MIGA2: variants seen among roughly 807,000 people sequenced by gnomAD.
The protein encoded by MIGA2 is mitoguardin 2, also known as family with sequence similarity 73, member B.
MIGA2 carries 36 observed loss-of-function variants against 69.9 expected under a neutral mutation model. The ratio of observed to expected loss-of-function variants is 0.52; its 90% CI spans 0.39 to 0.68. The LOEUF (loss-of-function observed/expected upper bound fraction) is 0.68. Ranked by LOEUF, MIGA2 falls within the 30% of genes least tolerant of loss-of-function variation. The pLI, the probability that MIGA2 is intolerant of heterozygous loss-of-function variation, is 0.00. For synonymous variants in MIGA2, 333 were observed against 349.2 expected (o/e 0.95, Z 0.52); for missense variants, 660 against 787.7 (o/e 0.84, Z 1.94).
At chr9:129,048,207 G>GTGGCAGGGATA (rs1296613392) in intron 3 of MIGA2, among the ~76,000 whole-genome samples, 1 of 152,212 alleles carries the variant, frequency 6.6e-6, no homozygotes, top group Non-Finnish European at 1.5e-5. Context: ...CCTGTGCCCT[G>GTGGCAGGGATA]TGGCAGGGAT....
At chr9:129,053,856 A>G (rs1450858928) in intron 6 of MIGA2, among the ~76,000 whole-genome samples, 1 of 146,576 alleles carries the variant, frequency 6.8e-6, no homozygotes, top group East Asian at 2.1e-4. Flanking sequence ...ACGGGGTCTT[A>G]CTCTGCTGCC....
In MIGA2 at chr9:129,068,856, A is replaced by G; in HGVS notation, c.1405-220A>G. 2 of 608,630 alleles carry G rather than the reference A, an allele frequency of 3.3e-6. No homozygotes were observed. Among genetic ancestry groups the G allele is most frequent in the Non-Finnish European group, 5.9e-6 (2 of 338,974 alleles). The allele number at this position is 608,630 out of a possible 1,614,324, so 37.7% of individuals were successfully genotyped here. Reference sequence around the variant, plus strand: ...TTTACAGAAGAGGAGACCGAGGCTCAGAGAAGATCCAGCAGTAAGATTAGA... The same window carrying G: ...TTTACAGAAGAGGAGACCGAGGCTCGGAGAAGATCCAGCAGTAAGATTAGA... On this transcript the variant is annotated intron_variant, in intron 13 of 15. Coordinates refer to ENST00000684074, the MANE Select transcript of MIGA2 (RefSeq NM_001329990.2). This position sits in a 1 kb window ranked among gnomAD's most constrained non-coding sequence, Gnocchi z 4.1.
chr9:129,048,559 G>T lies in MIGA2; in HGVS notation c.420+20G>T, dbSNP rs771041297. 6 of 1,589,778 alleles carry T rather than the reference G, an allele frequency of 3.8e-6. No homozygotes were observed. In the East Asian group the frequency reaches 1.1e-4, roughly 30 times the overall value. ...GCCTCGGTGAGCAGCAGGTGCCAGG[G>T]CTCCAGGGCTCCAGGTCCGGGCTTA... On this transcript the variant is annotated intron_variant, in intron 4 of 15. Transcript: ENST00000684074.
chr9:129,047,955 C>T (rs1845317654), intron 3 of MIGA2, among the ~76,000 whole-genome samples: 2 of 151,724 alleles, frequency 1.3e-5, no homozygotes, highest in African/African-American at 4.8e-5. Context: ...TCTTGAACTC[C>T]TGGGCTCAAG....
At position 129,060,541 on chromosome 9, in the gene MIGA2, T is replaced by C; in HGVS notation, c.794-9T>C. 1 of 1,583,640 alleles carries C rather than the reference T, an allele frequency of 6.3e-7. No homozygotes were observed. Among genetic ancestry groups the C allele is most frequent in the Admixed American group, 1.8e-5 (1 of 56,242 alleles). ...TCTCAGCCCCGCTTTCTCTCACTGCTCTTCCCAGAGAGGACCCTCATGCTG... is the reference window on the plus strand; with the variant it reads ...TCTCAGCCCCGCTTTCTCTCACTGCCCTTCCCAGAGAGGACCCTCATGCTG... On this transcript the variant is annotated splice_polypyrimidine_tract_variant and intron_variant, in intron 7 of 15. Coordinates refer to ENST00000684074, the MANE Select transcript of MIGA2 (RefSeq NM_001329990.2). This position sits in a 1 kb window ranked among gnomAD's most constrained non-coding sequence, Gnocchi z 4.8.
intron 11 of MIGA2, among the ~76,000 whole-genome samples, chr9:129,065,407 G>A (rs1447891348): frequency 1.3e-5 from 2 of 151,426 alleles, no homozygotes; most frequent in African/African-American, 4.9e-5. Context: ...GTACAGTGGT[G>A]CGATCTCGAC....
intron 6 of MIGA2, among the ~76,000 whole-genome samples, chr9:129,058,800 C>G (rs988611882): frequency 3.9e-5 from 6 of 152,138 alleles, no homozygotes; most frequent in African/African-American, 7.2e-5. Context: ...GCCTGGCAAC[C>G]TAAGTCCACA....
chr9:129,057,655 A>G (rs1274312027), intron 6 of MIGA2, among the ~76,000 whole-genome samples: 1 of 151,310 alleles, frequency 6.6e-6, no homozygotes, highest in Non-Finnish European at 1.5e-5. Flanking sequence ...CCAAGGCTGG[A>G]GTGCAGTGGC....
chr9:129,071,371 G>A lies in MIGA2; in HGVS notation c.*918G>A, dbSNP rs1846669401. 1 of 152,296 alleles carries A rather than the reference G, an allele frequency of 6.6e-6. No individual in the cohort carries two copies. Among genetic ancestry groups the A allele is most frequent in the African/African-American group, 2.4e-5 (1 of 41,446 alleles). 9.4% of individuals were successfully genotyped at this position (152,296 alleles called of 1,614,324 possible). A position where few individuals can be genotyped will look rare whatever the true frequency, so the allele number is the denominator to read the frequency against. On this transcript the variant is annotated 3_prime_UTR_variant, in exon 16 of 16. Transcript: ENST00000684074. ...TCAGTTCAACGCACAAACGCTCCTG[G>A]GGCCTCATGGGGGCAGAGCCTCCCC...
intron 1 of MIGA2, chr9:129,039,863 C>G (rs1844805802): frequency 6.5e-6 from 1 of 152,912 alleles, no homozygotes; most frequent in Non-Finnish European, 1.5e-5. Context: ...CCTGCTTCAG[C>G]CTCTTGAGTA....
chr9:129,048,709 G>C (rs368913113), intron 4 of MIGA2, among the ~76,000 whole-genome samples, 170 bp downstream of exon 4: 168 of 152,284 alleles, frequency 1.1e-3, no homozygotes, highest in African/African-American at 3.5e-3. Context: ...ACTGTGCCAG[G>C]TGTTGGTGGG....
intron 6 of MIGA2, among the ~76,000 whole-genome samples, chr9:129,057,461 T>C (rs1279743463): frequency 6.7e-6 from 1 of 150,188 alleles, no homozygotes; most frequent in Non-Finnish European, 1.5e-5. Context: ...GCCCGGCTGA[T>C]TTTTTGTATT....
intron 11 of MIGA2, 24 bp downstream of exon 11, chr9:129,063,655 G>GGGGA: frequency 4.6e-6 from 3 of 645,746 alleles, no homozygotes; most frequent in Non-Finnish European, 5.8e-6. Flanking sequence ...GGGTGGGGGG[G>GGGGA]CAAATTATAA....
chr9:129,054,324 C>T (rs1226273717), intron 6 of MIGA2, among the ~76,000 whole-genome samples: 3 of 151,538 alleles, frequency 2.0e-5, no homozygotes, highest in Non-Finnish European at 4.4e-5. Context: ...CATGGTGGCG[C>T]ACACCATGTG....
At chr9:129,063,655 G>GGGGGA in intron 11 of MIGA2, 24 bp downstream of exon 11, 3 of 645,736 alleles carry the variant, frequency 4.6e-6, no homozygotes, top group Non-Finnish European at 8.7e-6. Context: ...GGGTGGGGGG[G>GGGGGA]CAAATTATAA....
Position 129,037,141 on chromosome 9 carries a change from G to A in MIGA2, c.-144+460G>A, listed in dbSNP as rs1413138619. On this transcript the variant is annotated intron_variant, in intron 1 of 15. Coordinates refer to ENST00000684074, the MANE Select transcript of MIGA2 (RefSeq NM_001329990.2). ...GAGGTCCAACGCGGGGATGCCCGGTGCCCGGCATGGTGGGACTATTGAGGG... is the reference window on the plus strand; with the variant it reads ...GAGGTCCAACGCGGGGATGCCCGGTACCCGGCATGGTGGGACTATTGAGGG... 5 of 788,714 alleles carry A rather than the reference G, an allele frequency of 6.3e-6. No individual in the cohort carries two copies. In the African/African-American group the frequency reaches 9.5e-5, roughly 15 times the overall value. 48.9% of individuals were successfully genotyped at this position (788,714 alleles called of 1,614,324 possible). A position where few individuals can be genotyped will look rare whatever the true frequency, so the allele number is the denominator to read the frequency against.
chr9:129,058,563 G>A (rs1182138669), intron 6 of MIGA2, among the ~76,000 whole-genome samples: 3 of 145,834 alleles, frequency 2.1e-5, no homozygotes, highest in African/African-American at 5.1e-5. Context: ...GCAATGGCGC[G>A]ATCTTGGCTC....
At chr9:129,070,173 G>C (rs938324364) in intron 15 of MIGA2, 74 bp from the exon 16 acceptor site, 1 of 1,534,008 alleles carries the variant, frequency 6.5e-7, no homozygotes. Context: ...TGGACAAGGG[G>C]ACTTCAGGTA....
rs760027072 is a variant in MIGA2, at chr9:129,070,458, G to T, written c.*5G>T. ...CCCCTGGGGGAGCTGCAGTAGAGGCGGCACGGGCTGGGGGGTGGCAGAGAG... is the reference window on the plus strand; with the variant it reads ...CCCCTGGGGGAGCTGCAGTAGAGGCTGCACGGGCTGGGGGGTGGCAGAGAG... On this transcript the variant is annotated 3_prime_UTR_variant, in exon 16 of 16. Coordinates refer to ENST00000684074, the MANE Select transcript of MIGA2 (RefSeq NM_001329990.2). 50 of 1,549,980 alleles carry T rather than the reference G, an allele frequency of 3.2e-5. No homozygotes were observed. Among genetic ancestry groups the T allele is most frequent in the Non-Finnish European group, 4.1e-5 (47 of 1,145,496 alleles).
Sources: gnomAD v4.1 joint callset for allele counts (sites outside exome capture counted in the v4.1 genomes callset) on GRCh38, gnomAD v4.1.1 for gene constraint, Gnocchi (gnomAD v3.1) non-coding constraint, MANE v1.5 for transcripts, NCBI Gene and HGNC (gene_info 2026-07-23, HGNC 2026-07-21) for gene names.